MAN1A1: variants seen among roughly 807,000 people sequenced by gnomAD.
MAN1A1 encodes mannosyl-oligosaccharide 1,2-alpha-mannosidase IA.
A neutral mutation model predicts 70.8 loss-of-function variants in MAN1A1; 29 were observed. The observed-to-expected ratio is 0.41, with a 90% CI of 0.31 to 0.56. MAN1A1 has a LOEUF of 0.56. Ranked by LOEUF, MAN1A1 falls within the 20% of genes least tolerant of loss-of-function variation. The pLI is 0.29. For missense variants in MAN1A1, 747 were observed against 841.3 expected, an observed-to-expected ratio of 0.89 and a Z score of 1.39; for synonymous variants, 349 against 330.1, an observed-to-expected ratio of 1.06 and a Z score of -0.62.
intron 11 of MAN1A1, among the ~76,000 whole-genome samples, chr6:119,184,715 A>C (rs1773239678): frequency 6.6e-6 from 1 of 151,932 alleles, no homozygotes; most frequent in Non-Finnish European, 1.5e-5. Context: ...ACCAAAAAAA[A>C]ACCCCCTAAA....
rs141756162 is a variant in MAN1A1, at chr6:119,183,660, C to T, written c.1720-3233G>A. ...ACTCCTCCTCTCCATGGAAACTGCT[C>T]TAAGCTCCTTCTTTTGTTAGAGGAG... is the stretch of plus-strand genomic sequence containing the variant. On this transcript the variant is annotated intron_variant, in intron 11 of 12. Coordinates refer to ENST00000368468, the MANE Select transcript of MAN1A1 (RefSeq NM_005907.4). 1.2e-4 allele frequency among the ~76,000 whole-genome samples: 19 copies of T among 152,298 alleles called. No individual in the cohort carries two copies. The East Asian group carries it at 1.4e-3, about 11-fold the overall frequency.
chr6:119,224,556 C>A (rs1304976634), intron 6 of MAN1A1, among the ~76,000 whole-genome samples: 1 of 152,090 alleles, frequency 6.6e-6, no homozygotes, highest in Non-Finnish European at 1.5e-5. Context: ...TAAACAATAA[C>A]AAAATAATTC....
chr6:119,323,125 C>G (rs1014697966), intron 2 of MAN1A1, among the ~76,000 whole-genome samples: 1 of 152,312 alleles, frequency 6.6e-6, no homozygotes, highest in African/African-American at 2.4e-5. Context: ...AACAAAAGAT[C>G]GCATTATAAA....
chr6:119,289,501 C>T (rs1244140961), intron 5 of MAN1A1, among the ~76,000 whole-genome samples: 4 of 144,844 alleles, frequency 2.8e-5, no homozygotes, highest in African/African-American at 1.1e-4. Flanking sequence ...CTGAACTGAA[C>T]ACATGAAGTT....
intron 9 of MAN1A1, 124 bp from the exon 10 acceptor site, chr6:119,190,007 C>T (rs1773399923): frequency 1.3e-6 from 1 of 754,110 alleles, no homozygotes; most frequent in African/African-American, 1.8e-5. Flanking sequence ...TGTTAAAAAT[C>T]CATTCAACCT....
intron 10 of MAN1A1, 104 bp from the exon 11 acceptor site, chr6:119,188,681 G>T: frequency 9.5e-7 from 1 of 1,055,352 alleles, no homozygotes; most frequent in Non-Finnish European, 1.4e-6. Flanking sequence ...CAGTATCTAT[G>T]AGGGACTGGT....
At chr6:119,218,248 A>G (rs376353610) in intron 6 of MAN1A1, among the ~76,000 whole-genome samples, 3 of 151,944 alleles carry the variant, frequency 2.0e-5, no homozygotes, top group South Asian at 2.1e-4. Context: ...ATTTTTCCCC[A>G]TATGTGTTCT....
chr6:119,207,116 T>C (rs187123508), intron 6 of MAN1A1, among the ~76,000 whole-genome samples: 6 of 152,342 alleles, frequency 3.9e-5, no homozygotes, highest in East Asian at 3.9e-4. Flanking sequence ...TCCAGAGATA[T>C]ACTGGAAAAG....
At position 119,342,395 on chromosome 6, in the gene MAN1A1, G is replaced by A. The variant is rs574827278; in HGVS notation, c.603+6068C>T. On this transcript the variant is annotated intron_variant, in intron 2 of 12. Coordinates refer to ENST00000368468, the MANE Select transcript of MAN1A1 (RefSeq NM_005907.4). ...TGACCAGTAACAGCAATAATCACAA[G>A]CAGCATTTGTTGTGTGCCCACTTCA... 6.6e-5 allele frequency among the ~76,000 whole-genome samples: 10 copies of A among 152,248 alleles called. No homozygotes were observed. The South Asian group carries it at 2.1e-3, about 32-fold the overall frequency.
chr6:119,241,962 G>A (rs1473362410), intron 6 of MAN1A1, among the ~76,000 whole-genome samples: 3 of 113,462 alleles, frequency 2.6e-5, no homozygotes, highest in South Asian at 5.9e-4. Context: ...GTGTGTGTGT[G>A]TGTGTGTGTG....
chr6:119,267,046 C>T (rs1393832775), intron 5 of MAN1A1, among the ~76,000 whole-genome samples: 1 of 152,134 alleles, frequency 6.6e-6, no homozygotes, highest in Non-Finnish European at 1.5e-5. Context: ...CTAATTAGTA[C>T]CTACTGATTA....
chr6:119,276,048 TC>T (rs374061223), intron 5 of MAN1A1, among the ~76,000 whole-genome samples: 3 of 152,324 alleles, frequency 2.0e-5, no homozygotes, highest in African/African-American at 7.2e-5. Flanking sequence ...ATTGCTGCCC[TC>T]CTTCTCTTCT....
intron 7 of MAN1A1, among the ~76,000 whole-genome samples, chr6:119,203,379 A>C (rs1485689807): frequency 2.0e-5 from 3 of 152,098 alleles, no homozygotes; most frequent in Non-Finnish European, 2.9e-5. Context: ...GGCCCTGAGG[A>C]GACAGCAGGT....
intron 6 of MAN1A1, among the ~76,000 whole-genome samples, chr6:119,239,265 A>G (rs1562206086): frequency 6.6e-6 from 1 of 152,220 alleles, no homozygotes; most frequent in Non-Finnish European, 1.5e-5. Flanking sequence ...ATGATTGCTA[A>G]ATCACCAAAT....
intron 6 of MAN1A1, among the ~76,000 whole-genome samples, chr6:119,240,453 T>C (rs1774972566): frequency 6.6e-6 from 1 of 152,134 alleles, no homozygotes; most frequent in Non-Finnish European, 1.5e-5. Flanking sequence ...CAGATGGAAA[T>C]TCAAGGAAAA....
At chr6:119,328,662 A>T (rs1445996173) in intron 2 of MAN1A1, among the ~76,000 whole-genome samples, 1 of 152,184 alleles carries the variant, frequency 6.6e-6, no homozygotes, top group African/African-American at 2.4e-5. Flanking sequence ...ATAAGACCTG[A>T]TTATTTTGTA....
Position 119,337,505 on chromosome 6 carries a change from T to C in MAN1A1, c.603+10958A>G, listed in dbSNP as rs1287493082. Among the ~76,000 whole-genome samples, 5 of 152,286 alleles carry C rather than the reference T, an allele frequency of 3.3e-5. No homozygotes were observed. In the East Asian group the frequency reaches 9.7e-4, roughly 29 times the overall value. On this transcript the variant is annotated intron_variant, in intron 2 of 12. Transcript: ENST00000368468. Reference sequence around the variant, plus strand: ...CTGATCTGTTGGACACATGGATGAATAGGGGAAGCTCTTTCTCCTGCCCTC... The same window carrying C: ...CTGATCTGTTGGACACATGGATGAACAGGGGAAGCTCTTTCTCCTGCCCTC...
At position 119,178,867 on chromosome 6, in the gene MAN1A1, A is replaced by G. The variant is rs1216059807; in HGVS notation, c.*952T>C. On this transcript the variant is annotated 3_prime_UTR_variant, in exon 13 of 13. Transcript: ENST00000368468. ...AAATCTGAACCAAATAGAATGCTTT[A>G]TTTTCCAAAGAAAAAAATCAAGATG... 6 of 152,120 alleles carry G rather than the reference A, an allele frequency of 3.9e-5. No individual in the cohort carries two copies. Among genetic ancestry groups the G allele is most frequent in the Non-Finnish European group, 8.8e-5 (6 of 67,958 alleles). The allele number at this position is 152,120 out of a possible 1,614,324, so 9.4% of individuals were successfully genotyped here.
chr6:119,324,790 A>G (rs745306717), intron 2 of MAN1A1, among the ~76,000 whole-genome samples: 2 of 152,218 alleles, frequency 1.3e-5, no homozygotes, highest in African/African-American at 2.4e-5. Flanking sequence ...GTTACTAAAA[A>G]AATAAAAGGC....
Sources: allele counts gnomAD v4.1 joint callset (sites outside exome capture counted in the v4.1 genomes callset), GRCh38; gene constraint gnomAD v4.1.1; transcripts MANE v1.5; gene names NCBI Gene and HGNC (gene_info 2026-07-23, HGNC 2026-07-21).